Variants in TSC2 observed in about 807,000 individuals in gnomAD.
The protein encoded by TSC2 is TSC complex subunit 2.
A neutral mutation model predicts 202.2 loss-of-function variants in TSC2; 29 were observed. The ratio of observed to expected loss-of-function variants is 0.14; its 90% CI spans 0.11 to 0.20. TSC2 has a LOEUF of 0.20. TSC2 is among the 10% of genes least tolerant of loss of function. The pLI, the probability that TSC2 is intolerant of heterozygous loss-of-function variation, is 1.00. For synonymous variants in TSC2, 1,349 were observed against 1,044.0 expected (o/e 1.29, Z -5.63); for missense variants, 2,429 against 2,420.0 (o/e 1.00, Z -0.08).
At chr16:2,081,292 G>A (rs906607956) in intron 30 of TSC2, 9 of 454,246 alleles carry the variant, frequency 2.0e-5, no homozygotes, top group African/African-American at 1.6e-4. Flanking sequence ...GTGTGCCGTG[G>A]CTGAGGGGTG....
chr16:2,062,657 G>A, intron 13 of TSC2, 57 bp downstream of exon 13: 15 of 1,528,054 alleles, frequency 9.8e-6, no homozygotes, highest in Non-Finnish European at 1.3e-5. Context: ...GTCTCTGTCT[G>A]GGGCCCACCC....
intron 25 of TSC2, 143 bp from the exon 26 acceptor site, chr16:2,077,455 C>T: frequency 4.7e-6 from 6 of 1,266,740 alleles, no homozygotes; most frequent in Non-Finnish European, 5.6e-6. Context: ...TGGCATGGCT[C>T]TTTTTGCTCA....
At chr16:2,062,852 G>C in intron 13 of TSC2, 120 bp from the exon 14 acceptor site, 1 of 1,151,498 alleles carries the variant, frequency 8.7e-7, no homozygotes, top group South Asian at 1.3e-5. Flanking sequence ...AGAGCTCTGT[G>C]CCCTGTGTGC....
At chr16:2,076,401 G>C in intron 24 of TSC2, 90 bp from the exon 25 acceptor site, 2 of 1,593,958 alleles carry the variant, frequency 1.3e-6, no homozygotes, top group Non-Finnish European at 8.6e-7. Flanking sequence ...CCTGCAGCTT[G>C]TCCCTGGCCA....
chr16:2,070,304 G>C (rs545212752), intron 16 of TSC2, 152 bp from the exon 17 acceptor site: 2 of 1,340,462 alleles, frequency 1.5e-6, no homozygotes, highest in African/African-American at 2.9e-5. Context: ...GCTGTGGAGA[G>C]AGAGTCCTGG....
rs551894111 is a variant in TSC2 at position 2,075,789 on chromosome 16, A to G, written c.2546-10A>G. On this transcript the variant is annotated splice_polypyrimidine_tract_variant and intron_variant, in intron 22 of 41. Coordinates refer to ENST00000219476, the MANE Select transcript of TSC2 (RefSeq NM_000548.5). The stretch of plus-strand genomic sequence containing the variant: ...CCCGGCTCCCCTGACCACCCTCTCC[A>G]TTACCGCAGCTCTGGCCAGGCTGCC... 53 of 1,611,920 alleles carry G rather than the reference A, an allele frequency of 3.3e-5. No homozygotes were observed. The South Asian group carries it at 5.2e-4, about 16-fold the overall frequency.
intron 21 of TSC2, among the ~76,000 whole-genome samples, chr16:2,073,931 C>G (rs908525700): frequency 3.9e-5 from 6 of 152,276 alleles, no homozygotes; most frequent in African/African-American, 1.4e-4. Context: ...ACAGAGCCAG[C>G]CTGTGAAGGG....
At chr16:2,071,088 C>T (rs2088282177) in intron 17 of TSC2, among the ~76,000 whole-genome samples, 1 of 152,214 alleles carries the variant, frequency 6.6e-6, no homozygotes, top group African/African-American at 2.4e-5. Flanking sequence ...GATGGGAGCC[C>T]TCCCTCCTAG....
chr16:2,053,299 T>C (rs377121663), intron 3 of TSC2, 43 bp from the exon 4 acceptor site: 11 of 1,544,786 alleles, frequency 7.1e-6, no homozygotes, highest in African/African-American at 1.4e-5. Context: ...GCCAGGGTTC[T>C]TGGAGAGCAC....
chr16:2,049,022 C>T (rs2084739953), intron 2 of TSC2, among the ~76,000 whole-genome samples: 1 of 152,206 alleles, frequency 6.6e-6, no homozygotes, highest in East Asian at 1.9e-4. Flanking sequence ...TCATCATCTT[C>T]ACAGGTAAGG....
intron 26 of TSC2, 73 bp downstream of exon 26, chr16:2,077,799 G>A (rs2089613917): frequency 2.4e-5 from 39 of 1,599,650 alleles, no homozygotes; most frequent in Non-Finnish European, 3.3e-5. Flanking sequence ...GCAGTGCATG[G>A]GGCTGCTTGC....
At chr16:2,052,306 C>T (rs1222084759) in intron 3 of TSC2, among the ~76,000 whole-genome samples, 1 of 151,302 alleles carries the variant, frequency 6.6e-6, no homozygotes, top group African/African-American at 2.4e-5. Flanking sequence ...AAGAACACGG[C>T]CATTTTGTTA....
At chr16:2,072,742 C>T (rs992722590) in intron 20 of TSC2, 107 bp from the exon 21 acceptor site, 181 of 1,582,176 alleles carry the variant, frequency 1.1e-4, no homozygotes, top group Middle Eastern at 2.2e-4. Context: ...TCCCCAGCCC[C>T]TTTGCCCCCT....
chr16:2,077,900 C>T (rs1263687877), intron 26 of TSC2, among the ~76,000 whole-genome samples, 174 bp downstream of exon 26: 2 of 152,108 alleles, frequency 1.3e-5, no homozygotes, highest in Non-Finnish European at 2.9e-5. Context: ...CCCCAGGCCC[C>T]GTATGAGCAC....
At chr16:2,069,162 G>C (rs929476690) in intron 16 of TSC2, among the ~76,000 whole-genome samples, 1 of 152,176 alleles carries the variant, frequency 6.6e-6, no homozygotes, top group Non-Finnish European at 1.5e-5. Flanking sequence ...TAGTGGGCCC[G>C]GCAGGGCGGC....
Position 2,070,490 on chromosome 16 carries a change from C to T in TSC2, c.1751C>T (p.Thr584Met), listed in dbSNP as rs751147419. 9.3e-6 allele frequency: 15 copies of T among 1,613,310 alleles called. No individual in the cohort carries two copies. Among genetic ancestry groups the T allele is most frequent in the East Asian group, 2.2e-5 (1 of 44,900 alleles). The change falls in exon 17 of 42, where the codon ACG (threonine) becomes ATG (methionine). Residue 584 changes from threonine to methionine, a missense_variant. Thr to Met is a moderately conservative substitution (Grantham distance 81, BLOSUM62 -1). Coordinates refer to ENST00000219476, the MANE Select transcript of TSC2 (RefSeq NM_000548.5). ...TACACCCTGCCTGCAAGCCACGCCA[C>T]GCGTGTGTATGAGATGCTGGTCAGC... is the stretch of plus-strand genomic sequence containing the variant. ...KLYTLPASHATRVYEMLVSHI... is the reference protein window; with the variant it reads ...KLYTLPASHAMRVYEMLVSHI...
rs924519403 is a variant in TSC2, at chr16:2,072,587, A to G, written c.2220+224A>G. On this transcript the variant is annotated intron_variant, in intron 20 of 41. Coordinates refer to ENST00000219476, the MANE Select transcript of TSC2 (RefSeq NM_000548.5). ...ACGTCAGAGGTCCCCAGCCAAGGGC[A>G]TGTCACTGAATGTGGATGTCTCCCA... The G allele has an allele frequency of 1.5e-5, 12 of 791,190 alleles. No homozygotes were observed. In the East Asian group the frequency reaches 3.2e-4, roughly 21 times the overall value. The allele number at this position is 791,190 out of a possible 1,614,324, so 49.0% of individuals were successfully genotyped here.
In TSC2 at chr16:2,056,618, G is replaced by T. The variant is rs201910214; in HGVS notation, c.649-26G>T. 1.3e-4 allele frequency: 211 copies of T among 1,605,864 alleles called. No homozygotes were observed. The highest frequency in any genetic ancestry group is 1.6e-4 in the Non-Finnish European group (191 of 1,179,828). ...GTGGGGAGGAGCTGGGGTAGGACGG[G>T]CGTGAGCCGTCTCCCTCTCCACCAG... On this transcript the variant is annotated intron_variant, in intron 7 of 41. Transcript: ENST00000219476.
chr16:2,058,964 GGGCTGCGGT>G (rs1356196628), intron 10 of TSC2, 91 bp downstream of exon 10: 4 of 1,547,998 alleles, frequency 2.6e-6, no homozygotes, highest in Non-Finnish European at 3.5e-6. Flanking sequence ...CCTGCTGCGG[GGGCTGCGGT>G]GGCATTTCTA....
Sources: allele counts gnomAD v4.1 joint callset (sites outside exome capture counted in the v4.1 genomes callset), GRCh38; gene constraint gnomAD v4.1.1; transcripts MANE v1.5; gene names NCBI Gene and HGNC (gene_info 2026-07-23, HGNC 2026-07-21).